Variants in ZNF626 observed in about 807,000 individuals in gnomAD.
The protein encoded by ZNF626 is CTC-513N18.7.
A neutral mutation model predicts 11.7 loss-of-function variants in ZNF626; 4 were observed. The observed-to-expected ratio is 0.34, with a 90% CI of 0.17 to 0.78. The LOEUF (loss-of-function observed/expected upper bound fraction) is 0.78, where lower values mean the gene tolerates loss of function less well. Ranked by LOEUF, ZNF626 falls within the 30% of genes least tolerant of loss-of-function variation. ZNF626 has a pLI of 0.57. For missense variants in ZNF626, 588 were observed against 587.1 expected (o/e 1.00, Z -0.01); for synonymous variants, 179 against 198.6 (o/e 0.90, Z 0.83).
chr19:20,632,680 T>C (rs555756899), intron 3 of ZNF626, among the ~76,000 whole-genome samples: 13 of 152,328 alleles, frequency 8.5e-5, no homozygotes, highest in African/African-American at 2.9e-4. Context: ...ATTCTAGTTA[T>C]CTATTCGTCT....
rs1458380485 is a variant in ZNF626 at position 20,661,433 on chromosome 19, C to T, written c.3+11G>A. The T allele has an allele frequency of 1.2e-6, 2 of 1,613,830 alleles. No individual in the cohort carries two copies. The highest frequency in any genetic ancestry group is 1.7e-5 in the Admixed American group (1 of 59,994). On this transcript the variant is annotated intron_variant, in intron 1 of 3. Coordinates refer to ENST00000601440, the MANE Select transcript of ZNF626 (RefSeq NM_001076675.3). ...CTCTCCTCTCTCGGGATGTCGGACC[C>T]TCACTCTCACCATTTTTGGCTTCCA...
In ZNF626 at chr19:20,661,465, C is replaced by G; in HGVS notation, c.-19G>C. On this transcript the variant is annotated 5_prime_UTR_variant, in exon 1 of 4. Transcript: ENST00000601440. ...TCACCATTTTTGGCTTCCAGGAGGT[C>G]CCGGTGTCTTAGCTGTGGATCTCCC... 6.2e-7 allele frequency: 1 copy of G among 1,613,692 alleles called. No homozygotes were observed. Among genetic ancestry groups the G allele is most frequent in the Non-Finnish European group, 8.5e-7 (1 of 1,179,716 alleles).
At chr19:20,655,666 C>T (rs1038356023) in intron 1 of ZNF626, among the ~76,000 whole-genome samples, 2 of 151,908 alleles carry the variant, frequency 1.3e-5, no homozygotes, top group Non-Finnish European at 2.9e-5. Flanking sequence ...CTCATGCCTG[C>T]AATCCCAACA....
At chr19:20,629,626 T>A (rs1220723562) in intron 3 of ZNF626, among the ~76,000 whole-genome samples, 1 of 152,236 alleles carries the variant, frequency 6.6e-6, no homozygotes, top group Non-Finnish European at 1.5e-5. Context: ...GTACATTGAT[T>A]TTGTATCCTG....
In ZNF626 at chr19:20,620,466, A is replaced by G. The variant is rs534155374; in HGVS notation, c.*3824T>C. ...TGTATATTTCACTCTATGAAAATTA[A>G]AAGTCTTTACGTTTGCAGGCAGAGT... On this transcript the variant is annotated 3_prime_UTR_variant, in exon 4 of 4. Coordinates refer to ENST00000601440, the MANE Select transcript of ZNF626 (RefSeq NM_001076675.3). 4.6e-5 allele frequency: 7 copies of G among 152,340 alleles called. No individual in the cohort carries two copies. The South Asian group carries it at 1.2e-3, about 27-fold the overall frequency. The allele number at this position is 152,340 out of a possible 1,614,324, so 9.4% of individuals were successfully genotyped here. A position where few individuals can be genotyped will look rare whatever the true frequency, so the allele number is the denominator to read the frequency against.
intron 2 of ZNF626, 39 bp downstream of exon 2, chr19:20,646,240 A>C: frequency 6.6e-7 from 1 of 1,507,198 alleles, no homozygotes; most frequent in Non-Finnish European, 8.8e-7. Context: ...TAAATAAATA[A>C]AATCTATAGG....
intron 3 of ZNF626, among the ~76,000 whole-genome samples, chr19:20,627,242 T>C (rs1298431808): frequency 6.6e-6 from 1 of 152,132 alleles, no homozygotes; most frequent in Non-Finnish European, 1.5e-5. Context: ...AAGATATTTG[T>C]AACAAACACA....
chr19:20,647,370 GTAA>G (rs1191802543), intron 1 of ZNF626, among the ~76,000 whole-genome samples: 1 of 151,642 alleles, frequency 6.6e-6, no homozygotes, highest in African/African-American at 2.4e-5. Flanking sequence ...ATAAAGATAC[GTAA>G]TAATAAAGAG....
intron 1 of ZNF626, among the ~76,000 whole-genome samples, chr19:20,653,540 A>C (rs1555772771): frequency 1.6e-4 from 25 of 151,884 alleles, no homozygotes; most frequent in Non-Finnish European, 1.5e-5. Flanking sequence ...TTAGCAGGAT[A>C]ATCGCTTGAA....
chr19:20,660,574 G>A (rs1204607711), intron 1 of ZNF626, among the ~76,000 whole-genome samples: 3 of 152,098 alleles, frequency 2.0e-5, no homozygotes, highest in Admixed American at 6.6e-5. Flanking sequence ...CTACAGGCAC[G>A]TGCCAACACG....
chr19:20,627,564 A>C (rs907484782), intron 3 of ZNF626, among the ~76,000 whole-genome samples: 1 of 152,058 alleles, frequency 6.6e-6, no homozygotes, highest in African/African-American at 2.4e-5. Context: ...AAATAATAAA[A>C]TAACATTAGT....
chr19:20,628,261 G>A (rs1177888058), intron 3 of ZNF626, among the ~76,000 whole-genome samples: 1 of 152,170 alleles, frequency 6.6e-6, no homozygotes, highest in African/African-American at 2.4e-5. Context: ...TGTCTTTATA[G>A]CAGCATGATT....
In ZNF626 at chr19:20,625,009, A is replaced by G. The variant is rs1555769338; in HGVS notation, c.868T>C (p.Cys290Arg). ...TEKKPYKCEECGKAFNRSSTL... is the reference protein window; with the variant it reads ...TEKKPYKCEERGKAFNRSSTL... The stretch of plus-strand genomic sequence containing the variant: ...GAGGACCGGTTGAAGGCTTTGCCAC[A>G]TTCTTCACATTTGTAGGGTTTCTTT... The change falls in exon 4 of 4, where the codon TGT becomes CGT. Residue 290 changes from cysteine (C) to arginine (R), a missense_variant. Around this residue, in one of 4 missense-constraint regions of ZNF626, gnomAD observed 524 missense variants for 470.1 expected, o/e 1.11. Transcript: ENST00000601440. 5.0e-6 allele frequency: 8 copies of G among 1,613,794 alleles called. No individual in the cohort carries two copies. The highest frequency in any genetic ancestry group is 3.3e-5 in the Admixed American group (2 of 59,996).
At chr19:20,632,600 T>C (rs10422552) in intron 3 of ZNF626, among the ~76,000 whole-genome samples, 2 of 151,810 alleles carry the variant, frequency 1.3e-5, no homozygotes, top group Non-Finnish European at 2.9e-5. Context: ...GGCTTCTGCA[T>C]TCGTCACATA....
At chr19:20,653,671 AAGAAAG>A (rs1970173638) in intron 1 of ZNF626, among the ~76,000 whole-genome samples, 1 of 121,570 alleles carries the variant, frequency 8.2e-6, no homozygotes, top group South Asian at 2.6e-4. Flanking sequence ...AAAAAAGAAA[AAGAAAG>A]GAAAAGAACA....
intron 1 of ZNF626, among the ~76,000 whole-genome samples, chr19:20,659,315 C>G (rs1224251873): frequency 6.6e-6 from 1 of 152,134 alleles, no homozygotes; most frequent in Non-Finnish European, 1.5e-5. Context: ...TCTCAGCTCA[C>G]TGCAACCTCT....
chr19:20,629,762 C>T (rs1199036069), intron 3 of ZNF626, among the ~76,000 whole-genome samples: 2 of 152,122 alleles, frequency 1.3e-5, no homozygotes, highest in African/African-American at 4.8e-5. Flanking sequence ...TAATTGAATA[C>T]ACTTTATTTC....
intron 1 of ZNF626, among the ~76,000 whole-genome samples, chr19:20,654,641 G>A (rs1327484703): frequency 1.3e-5 from 2 of 151,950 alleles, no homozygotes; most frequent in African/African-American, 2.4e-5. Context: ...CCCGGGAGGC[G>A]GAGCTTGCAG....
Position 20,621,610 on chromosome 19 carries a change from C to T in ZNF626, c.*2680G>A. 6.6e-6 allele frequency: 1 copy of T among 151,946 alleles called. No individual in the cohort carries two copies. The highest frequency in any genetic ancestry group is 1.9e-4 in the East Asian group (1 of 5,186). The allele number at this position is 151,946 out of a possible 1,614,324, so 9.4% of individuals were successfully genotyped here. A position where few individuals can be genotyped will look rare whatever the true frequency, so the allele number is the denominator to read the frequency against. ...AATGTAATTACTACATATTGTATGC[C>T]TGAATCAAAATATTCTCTATAAGAC... On this transcript the variant is annotated 3_prime_UTR_variant, in exon 4 of 4. Transcript: ENST00000601440.
Sources: gnomAD v4.1 joint callset for allele counts (sites outside exome capture counted in the v4.1 genomes callset) on GRCh38, gnomAD v4.1.1 for gene constraint, gnomAD v4.1.1 regional missense constraint, MANE v1.5 for transcripts, NCBI Gene and HGNC (gene_info 2026-07-23, HGNC 2026-07-21) for gene names.